NEDD4L: variants seen among roughly 807,000 people sequenced by gnomAD.
The protein encoded by NEDD4L is E3 ubiquitin-protein ligase NEDD4-like.
Under a neutral mutation model 148.9 loss-of-function variants are expected in NEDD4L, and 54 were observed. The ratio of observed to expected loss-of-function variants is 0.36; its 90% CI spans 0.29 to 0.45. The LOEUF (loss-of-function observed/expected upper bound fraction) is 0.45, where lower values mean the gene tolerates loss of function less well. NEDD4L is among the 20% of genes least tolerant of loss of function. The probability of loss-of-function intolerance (pLI) is 1.00; values close to 1 mark genes in which losing one functional copy is unlikely to be tolerated. For synonymous variants in NEDD4L, 433 were observed against 440.7 expected, an observed-to-expected ratio of 0.98 and a Z score of 0.22; for missense variants, 856 against 1,233.8, an observed-to-expected ratio of 0.69 and a Z score of 4.59.
chr18:58,081,075 A>T (rs921539433), intron 1 of NEDD4L, among the ~76,000 whole-genome samples: 1 of 152,160 alleles, frequency 6.6e-6, no homozygotes, highest in Non-Finnish European at 1.5e-5. Flanking sequence ...TTCAATGAAT[A>T]AAAAACCTAG....
chr18:58,082,284 T>A (rs1198638859), intron 1 of NEDD4L, among the ~76,000 whole-genome samples: 3 of 147,358 alleles, frequency 2.0e-5, no homozygotes, highest in Admixed American at 2.0e-4. Context: ...ATTTTTGTAT[T>A]TTTAGTAGAG....
chr18:58,236,306 A>T (rs1188803752), intron 2 of NEDD4L, among the ~76,000 whole-genome samples: 1 of 150,840 alleles, frequency 6.6e-6, no homozygotes, highest in South Asian at 2.1e-4. Flanking sequence ...GCAGTAAGCC[A>T]TGATCTTGCC....
chr18:58,289,732 G>A (rs973468517), intron 5 of NEDD4L, among the ~76,000 whole-genome samples: 3 of 152,208 alleles, frequency 2.0e-5, no homozygotes, highest in African/African-American at 7.2e-5. Context: ...TGTCTTTGGT[G>A]TGCAAGGCAG....
intron 1 of NEDD4L, 148 bp downstream of exon 1, chr18:58,044,856 AG>A: frequency 1.0e-6 from 1 of 992,996 alleles, no homozygotes; most frequent in Non-Finnish European, 1.4e-6. Flanking sequence ...AGCGGGATCC[AG>A]GGGAGCTTGG....
chr18:58,273,647 A>AT (rs1221135773), intron 5 of NEDD4L, among the ~76,000 whole-genome samples: 1 of 152,176 alleles, frequency 6.6e-6, no homozygotes, highest in Non-Finnish European at 1.5e-5. Flanking sequence ...AACTGTGTTC[A>AT]TTATGCAGAC....
chr18:58,350,080 G>A (rs959631730), intron 17 of NEDD4L, among the ~76,000 whole-genome samples: 10 of 152,082 alleles, frequency 6.6e-5, no homozygotes, highest in African/African-American at 1.9e-4. Flanking sequence ...TGTTGGTGAC[G>A]GCTCAGTAGG....
chr18:58,247,200 T>C (rs1246906208), intron 3 of NEDD4L: 1 of 152,226 alleles, frequency 6.6e-6, no homozygotes, highest in Non-Finnish European at 1.5e-5. Flanking sequence ...TAAAAAATTG[T>C]AACTGTCTTG....
At chr18:58,345,244 C>T (rs891265546) in intron 16 of NEDD4L, among the ~76,000 whole-genome samples, 1 of 152,236 alleles carries the variant, frequency 6.6e-6, no homozygotes. Flanking sequence ...GATGTGCTGA[C>T]ACAGCTGCGC....
At chr18:58,058,036 G>A (rs1034961124) in intron 1 of NEDD4L, among the ~76,000 whole-genome samples, 19 of 152,182 alleles carry the variant, frequency 1.2e-4, no homozygotes, top group African/African-American at 4.3e-4. Context: ...GGCCGGCCGC[G>A]GTGGCTCACG....
intron 1 of NEDD4L, among the ~76,000 whole-genome samples, chr18:58,058,492 C>T (rs902291709): frequency 6.6e-6 from 1 of 152,180 alleles, no homozygotes. Context: ...CCAGCCATTC[C>T]AGTTTCTTGT....
intron 2 of NEDD4L, among the ~76,000 whole-genome samples, chr18:58,222,607 T>TAA (rs2043892976): frequency 6.6e-6 from 1 of 152,228 alleles, no homozygotes; most frequent in Admixed American, 6.5e-5. Flanking sequence ...TAACTGGTTA[T>TAA]AGTGTATCCA....
At position 58,276,212 on chromosome 18, in the gene NEDD4L, T is replaced by TTTG. The variant is rs1555782967; in HGVS notation, c.297+24158_297+24159insTTG. On this transcript the variant is annotated intron_variant, in intron 5 of 30. Coordinates refer to ENST00000400345, the MANE Select transcript of NEDD4L (RefSeq NM_001144967.3). The stretch of plus-strand genomic sequence containing the variant: ...CTTTTTCGTTTTTTTTTTTTTTTTT[T>TTTG]GGGTGGGGAGGGGGGTGGTTTTCTG... Among the ~76,000 whole-genome samples the TTTG allele has an allele frequency of 6.8e-4, 70 of 103,466 alleles. 2 individuals carry two copies. Among genetic ancestry groups the TTTG allele is most frequent in the African/African-American group, 2.3e-3 (63 of 27,552 alleles). The allele number at this position is 103,466 out of a possible 152,430, so 67.9% of individuals were successfully genotyped here.
At chr18:58,083,948 C>T (rs2083607792) in intron 1 of NEDD4L, among the ~76,000 whole-genome samples, 1 of 152,208 alleles carries the variant, frequency 6.6e-6, no homozygotes, top group South Asian at 2.1e-4. Flanking sequence ...CCGGCCTGGT[C>T]TTGAACTCCT....
chr18:58,119,503 T>C (rs1309086980), intron 1 of NEDD4L, among the ~76,000 whole-genome samples: 1 of 152,228 alleles, frequency 6.6e-6, no homozygotes, highest in African/African-American at 2.4e-5. Flanking sequence ...GCAGTCACAC[T>C]ACACACCTTT....
chr18:58,119,911 CG>C (rs2086112665), intron 1 of NEDD4L, among the ~76,000 whole-genome samples: 1 of 152,222 alleles, frequency 6.6e-6, no homozygotes. Context: ...TCAAGCACCA[CG>C]GCCTGTTCTT....
rs779761586 is a variant in NEDD4L at position 58,341,193 on chromosome 18, A to G, written c.1257+24A>G. ...AGGTACGAAGATTGCCATCCAACTT[A>G]AAACCGCAGGCCATAGAAGCCGAAA... is the stretch of plus-strand genomic sequence containing the variant. On this transcript the variant is annotated intron_variant, in intron 14 of 30. Transcript: ENST00000400345. 7 of 1,609,804 alleles carry G rather than the reference A, an allele frequency of 4.3e-6. No homozygotes were observed. In the South Asian group the frequency reaches 6.7e-5, roughly 15 times the overall value.
chr18:58,283,337 A>G (rs2053449639), intron 5 of NEDD4L, among the ~76,000 whole-genome samples: 1 of 152,158 alleles, frequency 6.6e-6, no homozygotes, highest in Admixed American at 6.5e-5. Context: ...CGGCCTCCCA[A>G]AGTGCTGGGA....
At chr18:58,110,922 A>G (rs375340752) in intron 1 of NEDD4L, among the ~76,000 whole-genome samples, 4 of 152,236 alleles carry the variant, frequency 2.6e-5, no homozygotes, top group African/African-American at 9.6e-5. Context: ...TCAATGAACT[A>G]AATGTCAGAA....
intron 1 of NEDD4L, among the ~76,000 whole-genome samples, chr18:58,129,447 A>G (rs538918525): frequency 6.6e-6 from 1 of 152,346 alleles, no homozygotes; most frequent in African/African-American, 2.4e-5. Flanking sequence ...TCAGTTGGCC[A>G]TCTTCTGCCC....
Sources: allele counts gnomAD v4.1 joint callset (sites outside exome capture counted in the v4.1 genomes callset), GRCh38; gene constraint gnomAD v4.1.1; transcripts MANE v1.5; gene names NCBI Gene and HGNC (gene_info 2026-07-23, HGNC 2026-07-21).